The following TASP1 variants were observed in gnomAD, a reference collection of about 807,000 sequenced individuals.
TASP1 encodes taspase 1.
A neutral mutation model predicts 56.6 loss-of-function variants in TASP1; 16 were observed. That is an observed-to-expected ratio of 0.28 (90% CI 0.19 to 0.43). TASP1 has a LOEUF of 0.43. Among genes scored for constraint, TASP1 ranks in the 20% least tolerant of loss-of-function variants. The pLI, the probability that TASP1 is intolerant of heterozygous loss-of-function variation, is 1.00. For missense variants in TASP1, 393 were observed against 511.6 expected, an observed-to-expected ratio of 0.77 and a Z score of 2.24; for synonymous variants, 179 against 184.2, an observed-to-expected ratio of 0.97 and a Z score of 0.23.
At chr20:13,245,606 G>A in the TASP1 span, among the ~76,000 whole-genome samples, 2 of 152,156 alleles carry the variant, frequency 1.3e-5, no homozygotes, top group African/African-American at 4.8e-5. Flanking sequence ...ATTCCTGTGT[G>A]TCCCAATAGT....
At chr20:13,362,808 A>AAAATATATATATATATATATAT in the TASP1 span, among the ~76,000 whole-genome samples, 1 of 114,776 alleles carries the variant, frequency 8.7e-6, no homozygotes, top group African/African-American at 3.1e-5. Flanking sequence ...AATAGCAAGA[A>AAAATATATATATATATATATAT]ATATATATAT....
the TASP1 span, among the ~76,000 whole-genome samples, chr20:13,264,985 C>G: frequency 6.6e-6 from 1 of 152,172 alleles, no homozygotes; most frequent in African/African-American, 2.4e-5. Context: ...GTGGACAAGT[C>G]ACAGCGCAGT....
chr20:13,628,375 T>C (rs980599752), intron 2 of TASP1, among the ~76,000 whole-genome samples: 9 of 152,204 alleles, frequency 5.9e-5, no homozygotes, highest in African/African-American at 2.2e-4. Flanking sequence ...AGATGTACCA[T>C]CAACATAGTG....
chr20:13,563,082 G>C (rs1213669807), intron 7 of TASP1, among the ~76,000 whole-genome samples: 1 of 149,430 alleles, frequency 6.7e-6, no homozygotes, highest in African/African-American at 2.4e-5. Context: ...TATGTATATA[G>C]AGATATAATT....
chr20:13,247,746 G>T, the TASP1 span, among the ~76,000 whole-genome samples: 2 of 152,152 alleles, frequency 1.3e-5, no homozygotes, highest in African/African-American at 4.8e-5. Flanking sequence ...ACCTGACCAC[G>T]ACAGGAAGTG....
the TASP1 span, among the ~76,000 whole-genome samples, chr20:13,277,536 T>C: frequency 6.6e-6 from 1 of 152,292 alleles, no homozygotes; most frequent in East Asian, 1.9e-4. Context: ...CTTTCTGAGC[T>C]TCTGTGTGGG....
the TASP1 span, among the ~76,000 whole-genome samples, chr20:13,307,399 A>G: frequency 0.027 from 4,177 of 152,334 alleles, 56 homozygotes; most frequent in Non-Finnish European, 0.031. Context: ...TACCAACACC[A>G]AGAAAAAACA....
chr20:13,288,169 C>T, the TASP1 span, among the ~76,000 whole-genome samples: 2 of 152,222 alleles, frequency 1.3e-5, no homozygotes, highest in Non-Finnish European at 2.9e-5. Context: ...TCCTCTCTCT[C>T]TCTTTCTCTC....
At chr20:13,402,867 C>T (rs2041788550) in intron 13 of TASP1, among the ~76,000 whole-genome samples, 2 of 152,128 alleles carry the variant, frequency 1.3e-5, no homozygotes, top group African/African-American at 4.8e-5. Flanking sequence ...CAGTGGAATA[C>T]AAGAAGATTG....
chr20:13,156,960 A>G, the TASP1 span, among the ~76,000 whole-genome samples: 1 of 152,216 alleles, frequency 6.6e-6, no homozygotes, highest in South Asian at 2.1e-4. Flanking sequence ...GCTATATTAG[A>G]TGCTGGATAA....
At chr20:13,248,943 G>A in the TASP1 span, among the ~76,000 whole-genome samples, 1 of 152,318 alleles carries the variant, frequency 6.6e-6, no homozygotes. Flanking sequence ...CTGGTAGAAA[G>A]TGCTGTAACT....
Position 13,417,445 on chromosome 20 carries a change from T to C in TASP1, c.1170+3A>G, listed in dbSNP as rs1568772005. On this transcript the variant is annotated splice_donor_region_variant and intron_variant, in intron 13 of 13. Coordinates refer to ENST00000337743, the MANE Select transcript of TASP1 (RefSeq NM_017714.3). ...CAGGTTATGACCGTTTTTTCCCACT[T>C]ACCTTGGCTTTCCCATCCTGGGCTG... The C allele has an allele frequency of 1.9e-6, 3 of 1,614,140 alleles. No homozygotes were observed. Among genetic ancestry groups the C allele is most frequent in the Non-Finnish European group, 2.5e-6 (3 of 1,179,972 alleles).
chr20:13,294,738 C>T, the TASP1 span, among the ~76,000 whole-genome samples: 716 of 152,312 alleles, frequency 4.7e-3, 6 homozygotes, highest in African/African-American at 0.016. Flanking sequence ...ACAGCCACAG[C>T]CTATCCCAGC....
chr20:13,276,109 A>G, the TASP1 span, among the ~76,000 whole-genome samples: 1 of 152,238 alleles, frequency 6.6e-6, no homozygotes, highest in South Asian at 2.1e-4. Context: ...GGGGTAGAAT[A>G]ATCTGGATTT....
At chr20:13,593,310 T>C (rs111518000) in intron 4 of TASP1, among the ~76,000 whole-genome samples, 10 of 152,222 alleles carry the variant, frequency 6.6e-5, no homozygotes, top group African/African-American at 2.4e-4. Flanking sequence ...ACAAGTGATT[T>C]CTGCATTTCC....
the TASP1 span, among the ~76,000 whole-genome samples, chr20:13,349,209 C>G: frequency 6.6e-6 from 1 of 152,170 alleles, no homozygotes; most frequent in Non-Finnish European, 1.5e-5. Flanking sequence ...CTGATGCTCT[C>G]CATTCCAGCA....
At chr20:13,333,375 T>C in the TASP1 span, among the ~76,000 whole-genome samples, 1 of 152,182 alleles carries the variant, frequency 6.6e-6, no homozygotes, top group South Asian at 2.1e-4. Flanking sequence ...TGATTAAAGA[T>C]CAATCCAGAA....
chr20:13,494,804 A>G (rs757147489), intron 10 of TASP1, among the ~76,000 whole-genome samples: 2 of 152,152 alleles, frequency 1.3e-5, no homozygotes, highest in Non-Finnish European at 2.9e-5. Context: ...GGAGCACAAC[A>G]GGTTCTGATA....
chr20:13,299,123 G>A, the TASP1 span: 20 of 1,613,062 alleles, frequency 1.2e-5, no homozygotes, highest in African/African-American at 2.7e-5. This position sits in a 1 kb window ranked among gnomAD's most constrained non-coding sequence, Gnocchi z 5.8. Flanking sequence ...ACGCCAGCGG[G>A]CCCAAGGAGA....
Sources: gnomAD v4.1 joint callset for allele counts (sites outside exome capture counted in the v4.1 genomes callset) on GRCh38, gnomAD v4.1.1 for gene constraint, Gnocchi (gnomAD v3.1) non-coding constraint, MANE v1.5 for transcripts, NCBI Gene and HGNC (gene_info 2026-07-23, HGNC 2026-07-21) for gene names.